The following FLRT1 variants were observed in gnomAD, a reference collection of about 807,000 sequenced individuals.
The protein encoded by FLRT1 is leucine-rich repeat transmembrane protein FLRT1.
FLRT1 carries 14 observed loss-of-function variants against 30.9 expected under a neutral mutation model. The ratio of observed to expected loss-of-function variants is 0.45; its 90% confidence interval spans 0.30 to 0.71. The LOEUF is 0.71. FLRT1 is among the 30% of genes least tolerant of loss of function. The pLI is 0.08. For synonymous variants in FLRT1, 368 were observed against 430.4 expected, an observed-to-expected ratio of 0.85 and a Z score of 1.80; for missense variants, 737 against 949.2, an observed-to-expected ratio of 0.78 and a Z score of 2.94.
At position 64,064,737 on chromosome 11, in the gene FLRT1, C is replaced by T. The variant is rs145908110; in HGVS notation, c.-1038+28578C>T. Among the ~76,000 whole-genome samples the T allele has an allele frequency of 1.6e-3, 240 of 151,352 alleles. No homozygotes were observed. Among genetic ancestry groups the T allele is most frequent in the Admixed American group, 3.1e-3 (47 of 15,164 alleles). ...TCTCCCCTCCCTGCCAGCCCCCCAGCAGGCAGCCAGGCCTGGACCCACCAT... is the reference window on the plus strand; with the variant it reads ...TCTCCCCTCCCTGCCAGCCCCCCAGTAGGCAGCCAGGCCTGGACCCACCAT... On this transcript the variant is annotated intron_variant, in intron 1 of 2. Coordinates refer to ENST00000682287, the MANE Select transcript of FLRT1 (RefSeq NM_013280.5). This position sits in a 1 kb window ranked among gnomAD's most constrained non-coding sequence, Gnocchi z 4.5.
At chr11:64,080,637 C>G (rs1007810676) in intron 1 of FLRT1, among the ~76,000 whole-genome samples, 1 of 152,220 alleles carries the variant, frequency 6.6e-6, no homozygotes. Flanking sequence ...GATACAGTTA[C>G]GTTTATGAGC....
intron 1 of FLRT1, among the ~76,000 whole-genome samples, chr11:64,062,128 G>A (rs962001539): frequency 4.6e-5 from 7 of 151,850 alleles, no homozygotes; most frequent in Non-Finnish European, 7.4e-5. Context: ...CCTCTCCTCC[G>A]CAAGGCCTTC....
chr11:64,069,881 T>A (rs1272670392), intron 1 of FLRT1, among the ~76,000 whole-genome samples: 1 of 152,028 alleles, frequency 6.6e-6, no homozygotes, highest in Non-Finnish European at 1.5e-5. Context: ...ACGATGAGGA[T>A]TTATCTTGGG....
intron 1 of FLRT1, among the ~76,000 whole-genome samples, chr11:64,048,400 G>A (rs1347503650): frequency 6.6e-6 from 1 of 152,194 alleles, no homozygotes; most frequent in Non-Finnish European, 1.5e-5. Flanking sequence ...GGGCCTCCCG[G>A]GGAGGGTCTG....
chr11:64,116,495 C>T lies in FLRT1; in HGVS notation c.228C>T (p.Pro76=), dbSNP rs200049740. 2.4e-4 allele frequency: 384 copies of T among 1,613,980 alleles called. 1 individual carries two copies. In the Middle Eastern group the frequency reaches 6.6e-3, roughly 28 times the overall value. The change falls in exon 3 of 3, where the codon CCC becomes CCT. Residue 76 remains proline, a synonymous_variant. Coordinates refer to ENST00000682287, the MANE Select transcript of FLRT1 (RefSeq NM_013280.5). ...ACGACCGGGGACTCACATCCATCCC[C>T]GCAGATATCCCTGATGATGCCACCA... ...YCNDRGLTSI[P]ADIPDDATTL...
chr11:64,093,315 G>A (rs966741954), intron 1 of FLRT1, among the ~76,000 whole-genome samples: 1 of 152,230 alleles, frequency 6.6e-6, no homozygotes, highest in African/African-American at 2.4e-5. Flanking sequence ...TGCTGGTGTT[G>A]TCACTGCTGC....
At chr11:64,044,779 G>C (rs1943553921) in intron 1 of FLRT1, among the ~76,000 whole-genome samples, 1 of 152,110 alleles carries the variant, frequency 6.6e-6, no homozygotes, top group Non-Finnish European at 1.5e-5. Flanking sequence ...CCCCTCACCA[G>C]ACCCCTCCCC....
intron 1 of FLRT1, among the ~76,000 whole-genome samples, chr11:64,083,226 A>T (rs1041345224): frequency 6.6e-6 from 1 of 152,160 alleles, no homozygotes. Flanking sequence ...GCCTGAGCTC[A>T]GGAGTTCGAG....
intron 1 of FLRT1, among the ~76,000 whole-genome samples, chr11:64,048,666 C>G (rs1041547482): frequency 6.7e-6 from 1 of 149,194 alleles, no homozygotes; most frequent in Non-Finnish European, 1.5e-5. Context: ...TTCCTTAAAG[C>G]AGCCCTACAA....
chr11:64,108,022 A>C (rs1369577644), intron 2 of FLRT1, among the ~76,000 whole-genome samples: 1 of 152,200 alleles, frequency 6.6e-6, no homozygotes, highest in Non-Finnish European at 1.5e-5. Flanking sequence ...CCAGGGAAGT[A>C]GATCGTTTAT....
At chr11:64,073,885 C>T (rs1944153760) in intron 1 of FLRT1, among the ~76,000 whole-genome samples, 1 of 152,176 alleles carries the variant, frequency 6.6e-6, no homozygotes, top group Admixed American at 6.5e-5. Flanking sequence ...GGATCCAGCC[C>T]AGCCACTTAG....
chr11:64,057,673 G>A (rs1390979345), intron 1 of FLRT1, among the ~76,000 whole-genome samples: 1 of 152,202 alleles, frequency 6.6e-6, no homozygotes, highest in Non-Finnish European at 1.5e-5. Context: ...GGGTCCCCAG[G>A]GTGTCTGCTC....
At chr11:64,106,183 A>T (rs951288072) in intron 2 of FLRT1, among the ~76,000 whole-genome samples, 1 of 152,130 alleles carries the variant, frequency 6.6e-6, no homozygotes, top group Non-Finnish European at 1.5e-5. Context: ...AGCTCCAGAC[A>T]TCGAGTCTGA....
chr11:64,050,979 C>G (rs562333246), intron 1 of FLRT1, among the ~76,000 whole-genome samples: 2 of 152,370 alleles, frequency 1.3e-5, no homozygotes, highest in Admixed American at 1.3e-4. Flanking sequence ...GGCCTGTCCC[C>G]TGAGCCCCAC....
chr11:64,097,479 G>A (rs1210627626), intron 1 of FLRT1, among the ~76,000 whole-genome samples: 2 of 152,252 alleles, frequency 1.3e-5, no homozygotes, highest in African/African-American at 4.8e-5. Flanking sequence ...TGCCTGCTGA[G>A]TTTCTCTGAT....
chr11:64,087,584 G>A (rs1944416901), intron 1 of FLRT1, among the ~76,000 whole-genome samples: 1 of 152,230 alleles, frequency 6.6e-6, no homozygotes, highest in South Asian at 2.1e-4. Context: ...GCATCCTGCA[G>A]CTTCACTCGC....
intron 1 of FLRT1, among the ~76,000 whole-genome samples, chr11:64,047,597 G>A (rs1565208420): frequency 6.6e-6 from 1 of 152,054 alleles, no homozygotes; most frequent in Non-Finnish European, 1.5e-5. Context: ...GGAAACTGAG[G>A]TTAATAGAGG....
intron 1 of FLRT1, among the ~76,000 whole-genome samples, chr11:64,102,394 A>G (rs1017181425): frequency 3.9e-5 from 6 of 152,168 alleles, no homozygotes; most frequent in Admixed American, 3.3e-4. Flanking sequence ...GGTGGGCACC[A>G]GACAGAGGCC....
At chr11:64,047,082 G>C (rs914333053) in intron 1 of FLRT1, among the ~76,000 whole-genome samples, 2 of 151,740 alleles carry the variant, frequency 1.3e-5, no homozygotes, top group South Asian at 4.2e-4. Flanking sequence ...AGCCTTCGAC[G>C]TGCTGTTCCC....
Sources: gnomAD v4.1 joint callset for allele counts (sites outside exome capture counted in the v4.1 genomes callset) on GRCh38, gnomAD v4.1.1 for gene constraint, Gnocchi (gnomAD v3.1) non-coding constraint, MANE v1.5 for transcripts, NCBI Gene and HGNC (gene_info 2026-07-23, HGNC 2026-07-21) for gene names.